Variants in OTOG observed in about 807,000 individuals in gnomAD.
The protein encoded by OTOG is otogelin.
OTOG carries 296 observed loss-of-function variants against 313.8 expected under a neutral mutation model. The ratio of observed to expected loss-of-function variants is 0.94; its 90% confidence interval spans 0.86 to 1.04. OTOG has a LOEUF of 1.04. Among genes scored for constraint, OTOG ranks in the 50% least tolerant of loss-of-function variants. The probability of loss-of-function intolerance (pLI) is 0.00; values close to 1 mark genes in which losing one functional copy is unlikely to be tolerated. For synonymous variants in OTOG, 1,533 were observed against 1,554.9 expected (o/e 0.99, Z 0.33); for missense variants, 3,948 against 3,840.1 (o/e 1.03, Z -0.74).
chr11:17,576,477 G>A (rs1397963192), intron 20 of OTOG, 79 bp from the exon 21 acceptor site: 1 of 1,178,174 alleles, frequency 8.5e-7, no homozygotes, highest in Non-Finnish European at 1.2e-6. Flanking sequence ...GGTTGGCTGA[G>A]GGTGGGGTCC....
intron 42 of OTOG, among the ~76,000 whole-genome samples, chr11:17,633,373 C>T (rs1240308839): frequency 6.6e-6 from 1 of 152,230 alleles, no homozygotes; most frequent in Non-Finnish European, 1.5e-5. Context: ...CATAAGTCCT[C>T]AACTCTACCT....
At chr11:17,603,732 G>A (rs1029223457) in intron 32 of OTOG, among the ~76,000 whole-genome samples, 19 of 152,198 alleles carry the variant, frequency 1.2e-4, no homozygotes, top group Non-Finnish European at 1.9e-4. Context: ...GGGCCTTAAA[G>A]GATGGGAAAG....
chr11:17,606,454 C>G (rs904000376), intron 33 of OTOG, among the ~76,000 whole-genome samples: 1 of 152,238 alleles, frequency 6.6e-6, no homozygotes, highest in Non-Finnish European at 1.5e-5. Flanking sequence ...CTGCAACATG[C>G]GTAGCCGCTG....
Position 17,573,004 on chromosome 11 carries a change from GGA to G in OTOG, c.2081-68_2081-67del. ...ACACACACCCCTGAGCCATGGGGAGGGAGAGAGGCTGATCCTGGGACACCAGG... is the reference window on the plus strand; with the variant it reads ...ACACACACCCCTGAGCCATGGGGAGGGAGAGGCTGATCCTGGGACACCAGG... On this transcript the variant is annotated intron_variant, in intron 18 of 55. Transcript: ENST00000399397. 2.1e-5 allele frequency: 28 copies of G among 1,348,828 alleles called. No homozygotes were observed. The South Asian group carries it at 3.6e-4, about 17-fold the overall frequency. 83.6% of individuals were successfully genotyped at this position (1,348,828 alleles called of 1,614,324 possible). A position where few individuals can be genotyped will look rare whatever the true frequency, so the allele number is the denominator to read the frequency against.
At chr11:17,618,605 C>A (rs1181053248) in intron 39 of OTOG, among the ~76,000 whole-genome samples, 2 of 152,180 alleles carry the variant, frequency 1.3e-5, no homozygotes, top group Non-Finnish European at 2.9e-5. Context: ...TAAATTCTTA[C>A]TAATTTTCTA....
At position 17,552,143 on chromosome 11, in the gene OTOG, C is replaced by G. The variant is rs572548832; in HGVS notation, c.292+68C>G. 68 of 1,471,472 alleles carry G rather than the reference C, an allele frequency of 4.6e-5. 1 individual carries two copies. The South Asian group carries it at 7.6e-4, about 17-fold the overall frequency. 91.2% of individuals were successfully genotyped at this position (1,471,472 alleles called of 1,614,324 possible). On this transcript the variant is annotated intron_variant, in intron 4 of 55. Transcript: ENST00000399397. ...GAGCCCTGGCAGAGGCCTGAAAGGG[C>G]AGAGGGCAGGTGGGGCTTCCCTCAG...
intron 11 of OTOG, 97 bp from the exon 12 acceptor site, chr11:17,559,437 C>A: frequency 6.8e-7 from 1 of 1,471,378 alleles, no homozygotes; most frequent in Admixed American, 2.1e-5. Flanking sequence ...AAATCAAAGC[C>A]CTCCCTCCCA....
At chr11:17,626,967 T>C (rs1565124364) in intron 39 of OTOG, among the ~76,000 whole-genome samples, 2 of 152,260 alleles carry the variant, frequency 1.3e-5, no homozygotes, top group Non-Finnish European at 2.9e-5. Flanking sequence ...ATGTTGATTT[T>C]GTAATCTGCA....
At chr11:17,635,324 C>T (rs1184205311) in intron 46 of OTOG, 137 bp downstream of exon 46, 3 of 709,024 alleles carry the variant, frequency 4.2e-6, no homozygotes, top group Non-Finnish European at 7.0e-6. Context: ...GACAAGCTCA[C>T]TGTCCAGGAA....
intron 15 of OTOG, among the ~76,000 whole-genome samples, chr11:17,564,347 A>G (rs1244736563): frequency 2.0e-5 from 3 of 152,218 alleles, no homozygotes; most frequent in African/African-American, 7.2e-5. Context: ...GGTCAGAAAA[A>G]AGGATCAGGG....
chr11:17,635,295 G>T, intron 46 of OTOG, 108 bp downstream of exon 46: 2 of 884,698 alleles, frequency 2.3e-6, no homozygotes, highest in South Asian at 1.7e-5. Flanking sequence ...TCTTCAGATG[G>T]GGTGGGCAAA....
intron 39 of OTOG, among the ~76,000 whole-genome samples, chr11:17,622,779 A>T (rs1263474157): frequency 1.3e-5 from 2 of 152,186 alleles, no homozygotes; most frequent in Non-Finnish European, 2.9e-5. Flanking sequence ...TTGCTTCCAA[A>T]TCTTAGCTAT....
rs1388001965 is a variant in OTOG, at chr11:17,640,924, G to C, written c.8023G>C (p.Val2675Leu). The C allele has an allele frequency of 3.9e-6, 6 of 1,548,404 alleles. No homozygotes were observed. The South Asian group carries it at 7.1e-5, about 18-fold the overall frequency. Residue 2675 changes from valine (V) to leucine (L), a missense_variant, in exon 51 of 56, where the codon GTG (valine) becomes CTG (leucine). Physicochemically the swap from Val to Leu is conservative, Grantham distance 32. Transcript: ENST00000399397. Reference sequence around the variant, plus strand: ...GCATGCCCATCCAGTGAAGGCCCCGGTGTGTCTGAGCCGCGAGCTGGGTGT... The same window carrying C: ...GCATGCCCATCCAGTGAAGGCCCCGCTGTGTCTGAGCCGCGAGCTGGGTGT... Reference protein sequence around the residue: ...CAKYECVKAPVCLSRELGVMQ... With the variant: ...CAKYECVKAPLCLSRELGVMQ...
At chr11:17,593,126 C>G in intron 25 of OTOG, 67 bp from the exon 26 acceptor site, 12 of 1,463,452 alleles carry the variant, frequency 8.2e-6, no homozygotes, top group Non-Finnish European at 1.1e-5. Context: ...TGTTCCTCCA[C>G]CTCTGTACCT....
chr11:17,645,497 G>A (rs1312713236), intron 54 of OTOG, 67 bp from the exon 55 acceptor site: 2 of 1,460,200 alleles, frequency 1.4e-6, no homozygotes, highest in South Asian at 1.3e-5. Flanking sequence ...GCCCTGGGCT[G>A]GCCCATCCTG....
At chr11:17,620,231 A>C (rs1179715044) in intron 39 of OTOG, among the ~76,000 whole-genome samples, 1 of 152,182 alleles carries the variant, frequency 6.6e-6, no homozygotes, top group Non-Finnish European at 1.5e-5. Flanking sequence ...ATACCCATTA[A>C]GCAGTTTCTT....
At chr11:17,644,816 C>T (rs986894032) in intron 54 of OTOG, among the ~76,000 whole-genome samples, 49 of 152,112 alleles carry the variant, frequency 3.2e-4, no homozygotes, top group Non-Finnish European at 2.5e-4. Flanking sequence ...ATTGTCCCCT[C>T]GACAAATATA....
chr11:17,612,635 T>G lies in OTOG; in HGVS notation c.6308T>G (p.Phe2103Cys). The change falls in exon 38 of 56, where the codon TTC (phenylalanine) becomes TGC (cysteine). Residue 2103 changes from phenylalanine (F) to cysteine (C), a missense_variant. Transcript: ENST00000399397. ...CCTCCCCCAGGCCGGTGCTCAATCT[T>G]CCCTGACCTGAGCTTCGTGACCTTC... ...LWECACRCSI[F>C]PDLSFVTFDG... 6.4e-7 allele frequency: 1 copy of G among 1,550,648 alleles called. No individual in the cohort carries two copies. Among genetic ancestry groups the G allele is most frequent in the Non-Finnish European group, 8.7e-7 (1 of 1,146,966 alleles).
chr11:17,569,159 C>A lies in OTOG; in HGVS notation c.1648C>A (p.Gln550Lys), dbSNP rs1420033986. Reference protein sequence around the residue: ...TLQNAPCGLNQDGACVQSVSV... With the variant: ...TLQNAPCGLNKDGACVQSVSV... ...ATTGACCTTTCTATCTCTCCAGAACCAAGATGGAGCCTGTGTCCAGTCAGT... is the reference window on the plus strand; with the variant it reads ...ATTGACCTTTCTATCTCTCCAGAACAAAGATGGAGCCTGTGTCCAGTCAGT... The change falls in exon 16 of 56, where the codon CAA becomes AAA. Residue 550 changes from glutamine to lysine, a missense_variant. By Grantham distance (53) the Gln-to-Lys change is moderately conservative (BLOSUM62 1). Coordinates refer to ENST00000399397, the MANE Select transcript of OTOG (RefSeq NM_001292063.2). 5 of 1,550,516 alleles carry A rather than the reference C, an allele frequency of 3.2e-6. No homozygotes were observed. The highest frequency in any genetic ancestry group is 2.7e-5 in the African/African-American group (2 of 73,046).
Sources: allele counts gnomAD v4.1 joint callset (sites outside exome capture counted in the v4.1 genomes callset), GRCh38; gene constraint gnomAD v4.1.1; transcripts MANE v1.5; gene names NCBI Gene and HGNC (gene_info 2026-07-23, HGNC 2026-07-21).